KHDRBS2: variants seen among roughly 807,000 people sequenced by gnomAD.
KHDRBS2 encodes the protein KH RNA binding domain containing, signal transduction associated 2.
Under a neutral mutation model 44.3 loss-of-function variants are expected in KHDRBS2, and 26 were observed. The ratio of observed to expected loss-of-function variants is 0.59; its 90% CI spans 0.43 to 0.81. The LOEUF is 0.81. Among genes scored for constraint, KHDRBS2 ranks in the 40% least tolerant of loss-of-function variants. KHDRBS2 has a pLI of 0.00. For missense variants in KHDRBS2, 476 were observed against 433.1 expected, an observed-to-expected ratio of 1.10 and a Z score of -0.88; for synonymous variants, 194 against 151.1, an observed-to-expected ratio of 1.28 and a Z score of -2.08.
chr6:61,986,021 A>T (rs1400618388), intron 3 of KHDRBS2, among the ~76,000 whole-genome samples: 193 of 147,826 alleles, frequency 1.3e-3, no homozygotes, highest in African/African-American at 4.6e-3. Flanking sequence ...TAGTGGTTTA[A>T]AAAAAAAATG....
chr6:62,089,155 G>C (rs1445818822), intron 2 of KHDRBS2, among the ~76,000 whole-genome samples: 2 of 151,672 alleles, frequency 1.3e-5, no homozygotes, highest in Non-Finnish European at 2.9e-5. Flanking sequence ...AGCTTGCTAG[G>C]CTCTGTGGGG....
chr6:61,595,484 C>G, the KHDRBS2 span, among the ~76,000 whole-genome samples: 3 of 152,058 alleles, frequency 2.0e-5, no homozygotes, highest in South Asian at 6.2e-4. Flanking sequence ...ATTTTTTTAA[C>G]AAACACACAT....
intron 2 of KHDRBS2, among the ~76,000 whole-genome samples, chr6:62,105,968 G>A (rs1325520934): frequency 1.3e-5 from 2 of 152,108 alleles, no homozygotes; most frequent in South Asian, 4.2e-4. Context: ...AGAGATTCTG[G>A]TATGTTGTGT....
At position 61,699,912 on chromosome 6, in the gene KHDRBS2, C is replaced by G. The variant is rs569962229; in HGVS notation, c.894-2659G>C. The stretch of plus-strand genomic sequence containing the variant: ...TGTGTTCTCTTCATCCTTCGAATGA[C>G]TTGAGATTGTAGAAGGCTAATGGCA... On this transcript the variant is annotated intron_variant, in intron 7 of 8. Coordinates refer to ENST00000281156, the MANE Select transcript of KHDRBS2 (RefSeq NM_152688.4). 3.3e-5 allele frequency among the ~76,000 whole-genome samples: 5 copies of G among 152,048 alleles called. No homozygotes were observed. The South Asian group carries it at 1.0e-3, about 32-fold the overall frequency.
intron 6 of KHDRBS2, among the ~76,000 whole-genome samples, chr6:61,878,865 T>C (rs1799826260): frequency 6.6e-6 from 1 of 151,972 alleles, no homozygotes; most frequent in Admixed American, 6.6e-5. Context: ...ATAATACCAA[T>C]AAAAATATGG....
intron 1 of KHDRBS2, among the ~76,000 whole-genome samples, chr6:62,285,635 C>A (rs903045633): frequency 2.6e-5 from 4 of 152,168 alleles, no homozygotes; most frequent in African/African-American, 7.2e-5. Context: ...GCCATTAGAT[C>A]TCCGTAGCTT....
the KHDRBS2 span, among the ~76,000 whole-genome samples, chr6:61,628,494 C>T: frequency 6.6e-6 from 1 of 152,118 alleles, no homozygotes; most frequent in African/African-American, 2.4e-5. Context: ...ACCTCTTCAA[C>T]CTTATCTTCT....
the KHDRBS2 span, among the ~76,000 whole-genome samples, chr6:61,618,506 G>T: frequency 3.2e-4 from 49 of 152,172 alleles, no homozygotes; most frequent in African/African-American, 1.1e-3. Context: ...ACAAGTGTAG[G>T]TTTGTTATCT....
chr6:61,952,210 G>C, intron 4 of KHDRBS2, among the ~76,000 whole-genome samples: 2 of 152,060 alleles, frequency 1.3e-5, no homozygotes, highest in Middle Eastern at 6.8e-3. Flanking sequence ...TGTTTTTAAA[G>C]GGTGGGTTAG....
In KHDRBS2 at chr6:61,888,145, C is replaced by A. The variant is rs192535051; in HGVS notation, c.810+6490G>T. Among the ~76,000 whole-genome samples the A allele has an allele frequency of 6.6e-5, 10 of 152,286 alleles. No individual in the cohort carries two copies. In the East Asian group the frequency reaches 1.5e-3, roughly 24 times the overall value. ...TTTCCTCTCTAAAAATTAGTGTCTC[C>A]CCATATTGTCCTTGGGGCTGGGTCC... On this transcript the variant is annotated intron_variant, in intron 6 of 8. Coordinates refer to ENST00000281156, the MANE Select transcript of KHDRBS2 (RefSeq NM_152688.4).
intron 1 of KHDRBS2, among the ~76,000 whole-genome samples, chr6:62,197,867 C>A (rs950613838): frequency 1.3e-5 from 2 of 152,102 alleles, no homozygotes; most frequent in African/African-American, 4.8e-5. Flanking sequence ...CGTAAAAGAA[C>A]AGAAATTATA....
At chr6:62,058,122 C>A (rs1253184994) in intron 2 of KHDRBS2, among the ~76,000 whole-genome samples, 2 of 151,620 alleles carry the variant, frequency 1.3e-5, no homozygotes, top group South Asian at 2.1e-4. Context: ...TAAACTAATT[C>A]CATCAAGTCT....
intron 3 of KHDRBS2, among the ~76,000 whole-genome samples, chr6:62,005,564 G>A (rs77713972): frequency 0.043 from 6,434 of 151,244 alleles, 172 homozygotes; most frequent in African/African-American, 0.061. Flanking sequence ...AAAAGAGAAA[G>A]GAAAGTCTTT....
At position 61,960,369 on chromosome 6, in the gene KHDRBS2, G is replaced by T. The variant is rs530111262; in HGVS notation, c.483+17697C>A. ...AACCTTTTGGAGCAGTTACAAATAA[G>T]AGTGTTAAATATTTTTCTAATGTAT... is the stretch of plus-strand genomic sequence containing the variant. On this transcript the variant is annotated intron_variant, in intron 4 of 8. Coordinates refer to ENST00000281156, the MANE Select transcript of KHDRBS2 (RefSeq NM_152688.4). Among the ~76,000 whole-genome samples, 28 of 152,150 alleles carry T rather than the reference G, an allele frequency of 1.8e-4. No homozygotes were observed. In the South Asian group the frequency reaches 2.7e-3, roughly 15 times the overall value.
chr6:61,954,892 A>G (rs553654238), intron 4 of KHDRBS2, among the ~76,000 whole-genome samples: 1 of 145,028 alleles, frequency 6.9e-6, no homozygotes, highest in African/African-American at 2.5e-5. Context: ...ATGTATATAT[A>G]CACATACATA....
chr6:61,668,071 G>T, the KHDRBS2 span, among the ~76,000 whole-genome samples: 3 of 150,740 alleles, frequency 2.0e-5, no homozygotes, highest in Non-Finnish European at 3.0e-5. Context: ...TTTTTATCGA[G>T]AACTTTATAT....
Position 61,947,079 on chromosome 6 carries a change from TGAA to T in KHDRBS2, c.483+30984_483+30986del, listed in dbSNP as rs780032715. Among the ~76,000 whole-genome samples, 188 of 152,330 alleles carry T rather than the reference TGAA, an allele frequency of 1.2e-3. 1 individual carries two copies. The highest frequency in any genetic ancestry group is 2.6e-4 in the Non-Finnish European group (18 of 68,022). On this transcript the variant is annotated intron_variant, in intron 4 of 8. Transcript: ENST00000281156. The stretch of plus-strand genomic sequence containing the variant: ...TTCAGCCAATTAAAGAGATCAAGAA[TGAA>T]GAAGATCTTAAGCATCTATCTAAAA...
chr6:61,767,675 G>T (rs1430668293), intron 6 of KHDRBS2, among the ~76,000 whole-genome samples: 1 of 151,968 alleles, frequency 6.6e-6, no homozygotes, highest in Admixed American at 6.6e-5. Flanking sequence ...TGAGGCTTGT[G>T]AATAACATCT....
At chr6:61,663,151 C>CA in the KHDRBS2 span, among the ~76,000 whole-genome samples, 3 of 145,518 alleles carry the variant, frequency 2.1e-5, no homozygotes, top group South Asian at 2.3e-4. Context: ...ATCGCAAGGA[C>CA]AAAAAACCAA....
Sources: allele counts gnomAD v4.1 joint callset (sites outside exome capture counted in the v4.1 genomes callset), GRCh38; gene constraint gnomAD v4.1.1; transcripts MANE v1.5; gene names NCBI Gene and HGNC (gene_info 2026-07-23, HGNC 2026-07-21).